MYO16: variants seen among roughly 807,000 people sequenced by gnomAD.
MYO16 encodes myosin XVI.
Under a neutral mutation model 205.3 loss-of-function variants are expected in MYO16, and 94 were observed. That is an observed-to-expected ratio of 0.46 (90% CI 0.39 to 0.54). The LOEUF (loss-of-function observed/expected upper bound fraction) is 0.54. Ranked by LOEUF, MYO16 falls within the 20% of genes least tolerant of loss-of-function variation. The pLI, the probability that MYO16 is intolerant of heterozygous loss-of-function variation, is 0.00. For missense variants in MYO16, 2,315 were observed against 2,387.5 expected (o/e 0.97, Z 0.63); for synonymous variants, 988 against 954.0 (o/e 1.04, Z -0.66).
intron 4 of MYO16, among the ~76,000 whole-genome samples, chr13:108,766,825 T>G (rs899758440): frequency 1.3e-5 from 2 of 152,224 alleles, no homozygotes; most frequent in African/African-American, 4.8e-5. Context: ...AACAGCTCTT[T>G]GGAGTTTGTC....
At chr13:108,520,282 C>T in the MYO16 span, among the ~76,000 whole-genome samples, 50,290 of 151,824 alleles carry the variant, frequency 0.33, 10,222 homozygotes, top group African/African-American at 0.57. Flanking sequence ...ATTTACAAAA[C>T]GATAATATGC....
intron 21 of MYO16, among the ~76,000 whole-genome samples, chr13:109,006,723 A>G (rs1430292707): frequency 1.3e-5 from 2 of 152,204 alleles, no homozygotes; most frequent in African/African-American, 4.8e-5. Flanking sequence ...GTTACTGAGC[A>G]GTAAATATTT....
chr13:109,135,032 G>A (rs1019975942), intron 31 of MYO16, among the ~76,000 whole-genome samples: 8 of 152,122 alleles, frequency 5.3e-5, no homozygotes, highest in Non-Finnish European at 1.2e-4. Context: ...CACATGTGCC[G>A]GTGCCTCCGG....
chr13:108,767,614 T>C (rs1435143931), intron 4 of MYO16, among the ~76,000 whole-genome samples: 1 of 152,080 alleles, frequency 6.6e-6, no homozygotes, highest in Non-Finnish European at 1.5e-5. Flanking sequence ...TAATTGAAAT[T>C]ATGTTATTTC....
the MYO16 span, among the ~76,000 whole-genome samples, chr13:108,554,801 GATC>G: frequency 3.0e-5 from 4 of 135,166 alleles, no homozygotes; most frequent in Admixed American, 3.5e-4. Context: ...AGTGAGCTGA[GATC>G]GAGCCACTGC....
chr13:108,534,005 G>T, the MYO16 span, among the ~76,000 whole-genome samples: 2 of 152,192 alleles, frequency 1.3e-5, no homozygotes, highest in African/African-American at 4.8e-5. Context: ...TGCTCAGATA[G>T]GCTGGATATT....
the MYO16 span, among the ~76,000 whole-genome samples, chr13:108,589,408 T>C: frequency 1.3e-5 from 2 of 152,184 alleles, no homozygotes; most frequent in African/African-American, 4.8e-5. Flanking sequence ...TGTGTTTTCC[T>C]TTCCCCTGGA....
At chr13:108,870,760 A>G (rs1398871672) in intron 12 of MYO16, among the ~76,000 whole-genome samples, 1 of 151,582 alleles carries the variant, frequency 6.6e-6, no homozygotes, top group Non-Finnish European at 1.5e-5. Flanking sequence ...TGAGTTTTTA[A>G]AATTTCCTTC....
At chr13:108,921,948 T>G (rs1450768485) in intron 16 of MYO16, among the ~76,000 whole-genome samples, 1 of 152,184 alleles carries the variant, frequency 6.6e-6, no homozygotes, top group Non-Finnish European at 1.5e-5. Flanking sequence ...TGTAGAAGGC[T>G]CCTTCCCATT....
the MYO16 span, among the ~76,000 whole-genome samples, chr13:108,499,161 C>A: frequency 3.3e-5 from 5 of 152,146 alleles, no homozygotes; most frequent in Non-Finnish European, 7.4e-5. Flanking sequence ...CTGTTTTAAG[C>A]ATGGACTTTT....
the MYO16 span, among the ~76,000 whole-genome samples, chr13:108,575,230 T>G: frequency 1.6e-4 from 24 of 152,318 alleles, no homozygotes; most frequent in African/African-American, 5.3e-4. Context: ...TAGCTTTTCA[T>G]CTGCTTAGAG....
chr13:108,539,925 G>A, the MYO16 span, among the ~76,000 whole-genome samples: 1 of 152,088 alleles, frequency 6.6e-6, no homozygotes, highest in Admixed American at 6.6e-5. Context: ...TTTTCAAGGA[G>A]CTCAGAAATG....
intron 2 of MYO16, among the ~76,000 whole-genome samples, chr13:108,698,690 A>G (rs1310775545): frequency 6.6e-6 from 1 of 152,222 alleles, no homozygotes; most frequent in East Asian, 1.9e-4. Context: ...AACCAGTTTA[A>G]CCTGCAAGTT....
chr13:108,516,147 C>A, the MYO16 span, among the ~76,000 whole-genome samples: 1 of 151,984 alleles, frequency 6.6e-6, no homozygotes, highest in Non-Finnish European at 1.5e-5. Flanking sequence ...GCGTAGGACC[C>A]TCTGAGCCAG....
At chr13:108,860,123 C>A (rs1406229341) in intron 11 of MYO16, among the ~76,000 whole-genome samples, 1 of 151,994 alleles carries the variant, frequency 6.6e-6, no homozygotes, top group African/African-American at 2.4e-5. Context: ...GTATTAAGTC[C>A]AGTACCCAAT....
intron 20 of MYO16, among the ~76,000 whole-genome samples, chr13:108,983,296 T>C (rs989644516): frequency 6.6e-6 from 1 of 152,144 alleles, no homozygotes; most frequent in African/African-American, 2.4e-5. Context: ...CATCTGAATC[T>C]CACGTGAGAA....
the MYO16 span, among the ~76,000 whole-genome samples, chr13:108,563,337 A>G: frequency 3.9e-5 from 6 of 152,152 alleles, no homozygotes; most frequent in South Asian, 2.1e-4. Context: ...AAACAATCCA[A>G]TTATACTATT....
the MYO16 span, among the ~76,000 whole-genome samples, chr13:108,544,782 G>T: frequency 6.6e-6 from 1 of 152,038 alleles, no homozygotes; most frequent in Admixed American, 6.6e-5. Flanking sequence ...CCATCTTTCT[G>T]CTCTCTATCT....
chr13:109,193,811 C>G (rs773467799), intron 34 of MYO16, among the ~76,000 whole-genome samples: 3 of 152,178 alleles, frequency 2.0e-5, no homozygotes, highest in Non-Finnish European at 4.4e-5. Flanking sequence ...AGCCAACTGT[C>G]AAATCCTATA....
Sources: gnomAD v4.1 joint callset for allele counts (sites outside exome capture counted in the v4.1 genomes callset) on GRCh38, gnomAD v4.1.1 for gene constraint, MANE v1.5 for transcripts, NCBI Gene and HGNC (gene_info 2026-07-23, HGNC 2026-07-21) for gene names.